Variants in TUBGCP3 observed in about 807,000 individuals in gnomAD.
TUBGCP3 encodes gamma-tubulin complex component 3.
Under a neutral mutation model 123.1 loss-of-function variants are expected in TUBGCP3, and 50 were observed. That is an observed-to-expected ratio of 0.41 (90% CI 0.32 to 0.51). The LOEUF (loss-of-function observed/expected upper bound fraction) is 0.51, where lower values mean the gene tolerates loss of function less well. TUBGCP3 is among the 20% of genes least tolerant of loss of function. The pLI is 0.36. For missense variants in TUBGCP3, 882 were observed against 1,127.0 expected, an observed-to-expected ratio of 0.78 and a Z score of 3.11; for synonymous variants, 405 against 413.9, an observed-to-expected ratio of 0.98 and a Z score of 0.26.
chr13:112,554,401 C>G (rs561456045), intron 7 of TUBGCP3, among the ~76,000 whole-genome samples: 1 of 152,174 alleles, frequency 6.6e-6, no homozygotes, highest in Non-Finnish European at 1.5e-5. Context: ...TTCACACCAC[C>G]CTGCAGTTGG....
chr13:112,599,345 G>A, the TUBGCP3 span, among the ~76,000 whole-genome samples: 6 of 152,220 alleles, frequency 3.9e-5, no homozygotes, highest in South Asian at 6.2e-4. Context: ...ACTTCCCTAC[G>A]GATAGAATCT....
chr13:112,591,759 A>G (rs947891124), upstream of TUBGCP3, among the ~76,000 whole-genome samples: 1 of 152,242 alleles, frequency 6.6e-6, no homozygotes, highest in Non-Finnish European at 1.5e-5. Flanking sequence ...AGCAAAAGCC[A>G]TAGGAAGAGC....
In TUBGCP3 at chr13:112,560,359, G is replaced by A. The variant is rs1209789706; in HGVS notation, c.253-960C>T. 6.6e-5 allele frequency among the ~76,000 whole-genome samples: 10 copies of A among 151,124 alleles called. No homozygotes were observed. In the East Asian group the frequency reaches 1.8e-3, roughly 27 times the overall value. On this transcript the variant is annotated intron_variant, in intron 3 of 21. Transcript: ENST00000261965. ...GCAGGAGAATGGCGTGAACCCGGGA[G>A]GCGGAGCTTGCAGTGAGCCGAGATC...
At chr13:112,569,639 C>T (rs1566586442) in intron 1 of TUBGCP3, among the ~76,000 whole-genome samples, 2 of 152,172 alleles carry the variant, frequency 1.3e-5, no homozygotes, top group African/African-American at 4.8e-5. Flanking sequence ...AAGCCAGAAG[C>T]AGGTCACTCA....
chr13:112,503,125 C>G (rs145340216), intron 19 of TUBGCP3, among the ~76,000 whole-genome samples: 1 of 152,064 alleles, frequency 6.6e-6, no homozygotes, highest in Admixed American at 6.5e-5. Context: ...CCCTGCCAGT[C>G]GGAAACATCC....
chr13:112,560,954 G>A (rs967399437), intron 3 of TUBGCP3, among the ~76,000 whole-genome samples: 32 of 152,192 alleles, frequency 2.1e-4, no homozygotes, highest in Admixed American at 1.2e-3. Context: ...AAGATGGACC[G>A]TGTAGAGGGA....
intron 20 of TUBGCP3, among the ~76,000 whole-genome samples, chr13:112,492,558 TG>T (rs1158625914): frequency 1.3e-5 from 2 of 149,578 alleles, no homozygotes; most frequent in Non-Finnish European, 2.9e-5. Context: ...GCCCTGGCTA[TG>T]GGAACAGGGC....
At chr13:112,541,832 GA>G (rs1878542532) in intron 11 of TUBGCP3, among the ~76,000 whole-genome samples, 1 of 152,148 alleles carries the variant, frequency 6.6e-6, no homozygotes, top group Non-Finnish European at 1.5e-5. Context: ...GCAATCATTA[GA>G]AAAGTTGAAA....
intron 20 of TUBGCP3, among the ~76,000 whole-genome samples, chr13:112,493,369 G>C (rs1880267755): frequency 6.6e-6 from 1 of 150,434 alleles, no homozygotes; most frequent in African/African-American, 2.5e-5. Context: ...ACAGGGCCTG[G>C]TGTCCCTGAG....
intron 3 of TUBGCP3, among the ~76,000 whole-genome samples, chr13:112,560,864 A>C (rs1026407113): frequency 6.6e-5 from 10 of 152,252 alleles, no homozygotes; most frequent in African/African-American, 2.2e-4. Context: ...CAGGCAACAG[A>C]CAAGTGGGCA....
intron 13 of TUBGCP3, among the ~76,000 whole-genome samples, chr13:112,526,665 ACAT>A (rs1016081608): frequency 2.8e-5 from 4 of 145,056 alleles, no homozygotes; most frequent in African/African-American, 1.0e-4. Flanking sequence ...TCCATCCCCA[ACAT>A]CATCACATCA....
At chr13:112,489,759 G>A in intron 20 of TUBGCP3, 62 bp from the exon 21 acceptor site, 2 of 1,396,158 alleles carry the variant, frequency 1.4e-6, no homozygotes, top group Non-Finnish European at 2.0e-6. Flanking sequence ...TACAGAGTAG[G>A]GCTGAAAACA....
At chr13:112,547,911 G>A (rs182275118) in intron 9 of TUBGCP3, among the ~76,000 whole-genome samples, 159 bp from the exon 10 acceptor site, 13 of 152,110 alleles carry the variant, frequency 8.5e-5, no homozygotes, top group Non-Finnish European at 1.8e-4. Context: ...ACCTTTAACC[G>A]GTAGAACCCC....
intron 20 of TUBGCP3, among the ~76,000 whole-genome samples, chr13:112,492,229 C>T (rs570558861): frequency 6.6e-6 from 1 of 152,146 alleles, no homozygotes; most frequent in Non-Finnish European, 1.5e-5. Context: ...CCTATGTATA[C>T]CTGTTTTACT....
At chr13:112,600,377 T>A in the TUBGCP3 span, among the ~76,000 whole-genome samples, 24 of 152,330 alleles carry the variant, frequency 1.6e-4, no homozygotes, top group African/African-American at 5.5e-4. Context: ...CTAAAACTAG[T>A]GAACAATCTT....
Position 112,534,915 on chromosome 13 carries a change from C to T in TUBGCP3, c.1336-7431G>A, listed in dbSNP as rs372021689. On this transcript the variant is annotated intron_variant, in intron 11 of 21. Transcript: ENST00000261965. ...TTTTCATCAGCCTGGAGAGAAACTC[C>T]GTACCCATTAAGCAGTCACTCATTC... Among the ~76,000 whole-genome samples the T allele has an allele frequency of 2.6e-5, 4 of 152,180 alleles. No individual in the cohort carries two copies. In the South Asian group the frequency reaches 6.2e-4, roughly 24 times the overall value.
At position 112,506,478 on chromosome 13, in the gene TUBGCP3, T is replaced by G. The variant is rs1881316022; in HGVS notation, c.2087-1764A>C. Among the ~76,000 whole-genome samples the G allele has an allele frequency of 2.0e-5, 3 of 152,376 alleles. No individual in the cohort carries two copies. The South Asian group carries it at 6.2e-4, about 32-fold the overall frequency. ...CAGTGAACTATAGCGTCCACAGTCA[T>G]GAGATGCACTCTCAGCTCTAAGACC... On this transcript the variant is annotated intron_variant, in intron 17 of 21. Transcript: ENST00000261965.
At chr13:112,503,672 T>C (rs1881086105) in intron 19 of TUBGCP3, among the ~76,000 whole-genome samples, 2 of 152,202 alleles carry the variant, frequency 1.3e-5, no homozygotes, top group South Asian at 4.1e-4. Flanking sequence ...CCGGCCTGTT[T>C]TGTTCTTATA....
intron 5 of TUBGCP3, 93 bp from the exon 6 acceptor site, chr13:112,556,317 T>C (rs868193296): frequency 8.4e-7 from 1 of 1,189,542 alleles, no homozygotes; most frequent in Middle Eastern, 2.0e-4. Context: ...CTATCGTGAA[T>C]TACATAAATT....
Sources: allele counts gnomAD v4.1 joint callset (sites outside exome capture counted in the v4.1 genomes callset), GRCh38; gene constraint gnomAD v4.1.1; transcripts MANE v1.5; gene names NCBI Gene and HGNC (gene_info 2026-07-23, HGNC 2026-07-21).